The following ASPM variants were observed in gnomAD, a reference collection of about 807,000 sequenced individuals.
ASPM encodes the protein abnormal spindle-like microcephaly-associated protein.
ASPM carries 256 observed loss-of-function variants against 366.4 expected under a neutral mutation model. The ratio of observed to expected loss-of-function variants is 0.70; its 90% confidence interval spans 0.63 to 0.77. ASPM has a LOEUF of 0.77. ASPM is among the 30% of genes least tolerant of loss of function. ASPM has a pLI of 0.00. For synonymous variants in ASPM, 1,414 were observed against 1,342.9 expected (o/e 1.05, Z -1.16); for missense variants, 4,146 against 4,090.4 (o/e 1.01, Z -0.37).
chr1:197,093,364 T>C (rs1050275778), intron 20 of ASPM, 103 bp from the exon 21 acceptor site: 1 of 945,098 alleles, frequency 1.1e-6, no homozygotes, highest in East Asian at 2.4e-5. Flanking sequence ...TAATTATGAT[T>C]TATAGTCTAA....
chr1:197,130,159 C>T, intron 7 of ASPM, 103 bp from the exon 8 acceptor site: 2 of 1,211,466 alleles, frequency 1.7e-6, no homozygotes, highest in South Asian at 1.3e-5. Context: ...TGGCAATGTT[C>T]TACTTTCTAA....
chr1:197,097,901 C>T (rs774517180), intron 18 of ASPM, among the ~76,000 whole-genome samples: 5 of 150,336 alleles, frequency 3.3e-5, no homozygotes, highest in Non-Finnish European at 7.4e-5. Flanking sequence ...ACAAATTGAC[C>T]GAAAATCTGT....
Position 197,105,194 on chromosome 1 carries a change from G to T in ASPM, c.4066-9C>A, listed in dbSNP as rs1478880579. 6.3e-7 allele frequency: 1 copy of T among 1,590,698 alleles called. No homozygotes were observed. The highest frequency in any genetic ancestry group is 2.2e-5 in the East Asian group (1 of 44,562). On this transcript the variant is annotated splice_polypyrimidine_tract_variant and intron_variant, in intron 17 of 27. Transcript: ENST00000367409. ...TATCTTCTCCAATATCCCTGGAAAA[G>T]GTAAGAAAGGACACAAAGTAAAATA... is the stretch of plus-strand genomic sequence containing the variant.
chr1:197,112,309 G>C (rs1046586916), intron 17 of ASPM, among the ~76,000 whole-genome samples: 5 of 152,094 alleles, frequency 3.3e-5, no homozygotes, highest in Non-Finnish European at 4.4e-5. Flanking sequence ...GCTAAATGAT[G>C]AGAAAACATG....
intron 19 of ASPM, among the ~76,000 whole-genome samples, chr1:197,094,959 T>C (rs1340639858): frequency 6.6e-6 from 1 of 151,734 alleles, no homozygotes; most frequent in African/African-American, 2.4e-5. Context: ...AATTTTTATT[T>C]TTATGGATAT....
At chr1:197,094,217 TTTAAC>T in intron 19 of ASPM, 37 bp from the exon 20 acceptor site, 4 of 1,288,628 alleles carry the variant, frequency 3.1e-6, no homozygotes, top group Middle Eastern at 1.8e-4. Flanking sequence ...GTCAAATTAC[TTTAAC>T]TTATTCAATG....
At position 197,101,646 on chromosome 1, in the gene ASPM, C is replaced by T. The variant is rs10922162; in HGVS notation, c.7605G>A (p.Val2535=). 0.19 allele frequency: 307,490 copies of T among 1,611,328 alleles called. 39,807 individuals carry two copies. Among genetic ancestry groups the T allele is most frequent in the East Asian group, 0.69 (30,674 of 44,762 alleles). Reference sequence around the variant, plus strand: ...TTCCTTTATATGCAGCCTGAATAACCACAGCAGAATGCCATTGTCTGATAT... The same window carrying T: ...TTCCTTTATATGCAGCCTGAATAACTACAGCAGAATGCCATTGTCTGATAT... ...ENYIRQWHSA[V]VIQAAYKGMK... is the part of the protein sequence containing the mutation. Residue 2535 remains valine, a synonymous_variant, in exon 18 of 28, where the codon GTG becomes GTA. Coordinates refer to ENST00000367409, the MANE Select transcript of ASPM (RefSeq NM_018136.5).
rs1658631563 is a variant in ASPM at position 197,142,750 on chromosome 1, T to C, written c.1502A>G (p.Lys501Arg). Residue 501 changes from lysine (K) to arginine (R), a missense_variant, in exon 3 of 28, where the codon AAG becomes AGG. Lys to Arg is a conservative substitution (Grantham distance 26, BLOSUM62 2). This residue lies in a region of ASPM where 3,624 missense variants were observed against 3,591.7 expected (regional missense o/e 1.01). Coordinates refer to ENST00000367409, the MANE Select transcript of ASPM (RefSeq NM_018136.5). ...TTGGTTTTCTCTGGTACAGGTGGCC[T>C]TCCTTTTAGTAACAGTGGCAGAAAG... is the stretch of plus-strand genomic sequence containing the variant. ...PILSATVTKR[K>R]ATCTRENQTE... 12 of 1,613,986 alleles carry C rather than the reference T, an allele frequency of 7.4e-6. No individual in the cohort carries two copies. The highest frequency in any genetic ancestry group is 1.0e-5 in the Non-Finnish European group (12 of 1,179,844).
intron 7 of ASPM, among the ~76,000 whole-genome samples, chr1:197,131,944 A>C (rs1324017071): frequency 6.6e-6 from 1 of 152,182 alleles, no homozygotes; most frequent in East Asian, 1.9e-4. Flanking sequence ...TAAGAAATTT[A>C]AATTAGAAAA....
At chr1:197,120,985 A>G (rs1657890964) in intron 16 of ASPM, among the ~76,000 whole-genome samples, 1 of 152,136 alleles carries the variant, frequency 6.6e-6, no homozygotes, top group Non-Finnish European at 1.5e-5. Context: ...TTGTGTTTGA[A>G]AGTTGTCAAA....
In ASPM at chr1:197,090,346, T is replaced by G. The variant is rs755728788; in HGVS notation, c.9679A>C (p.Thr3227Pro). Residue 3227 changes from threonine (T) to proline (P), a missense_variant, in exon 24 of 28, where the codon ACA becomes CCA. Physicochemically the swap from Thr to Pro is conservative, Grantham distance 38 (BLOSUM62 -1). This residue lies in a region of ASPM where 3,624 missense variants were observed against 3,591.7 expected (regional missense o/e 1.01). Transcript: ENST00000367409. ...GYSWRKKNDC[T>P]KIKAIRLSLQ... ...CTTAGTCGTATAGCTTTAATTTTTG[T>G]ACAATCATTTTTCTTCCTCCAAGAA... 9.6e-5 allele frequency: 154 copies of G among 1,612,154 alleles called. No individual in the cohort carries two copies. Among genetic ancestry groups the G allele is most frequent in the Non-Finnish European group, 1.3e-4 (153 of 1,178,988 alleles).
At chr1:197,106,384 T>A (rs1657409665) in intron 17 of ASPM, among the ~76,000 whole-genome samples, 1 of 152,034 alleles carries the variant, frequency 6.6e-6, no homozygotes, top group Non-Finnish European at 1.5e-5. Context: ...AAACTCTACA[T>A]AAAGTATTAA....
chr1:197,129,413 CAA>C, intron 8 of ASPM, 96 bp from the exon 9 acceptor site: 1 of 1,374,812 alleles, frequency 7.3e-7, no homozygotes, highest in Non-Finnish European at 1.0e-6. Context: ...GTTAGTAAAA[CAA>C]AAAGTGTAGG....
intron 17 of ASPM, among the ~76,000 whole-genome samples, chr1:197,109,197 AAAT>A (rs1657506998): frequency 2.0e-5 from 1 of 50,616 alleles, no homozygotes; most frequent in Non-Finnish European, 8.7e-5. Context: ...ATTAAAGACA[AAAT>A]AATAACATGT....
Position 197,100,483 on chromosome 1 carries a change from A to T in ASPM, c.8768T>A (p.Phe2923Tyr). Residue 2923 changes from phenylalanine to tyrosine, a missense_variant, in exon 18 of 28, where the codon TTT (phenylalanine) becomes TAT (tyrosine). Phe to Tyr is a conservative substitution (Grantham distance 22, BLOSUM62 3). Coordinates refer to ENST00000367409, the MANE Select transcript of ASPM (RefSeq NM_018136.5). ...VIIIQARSKG[F>Y]IQKRKFQEIK... ...TTCCTGAAACTTCCGTTTCTGTATAAATCCTTTACTTCTAGCTTGAATAAT... is the reference window on the plus strand; with the variant it reads ...TTCCTGAAACTTCCGTTTCTGTATATATCCTTTACTTCTAGCTTGAATAAT... The T allele has an allele frequency of 6.2e-7, 1 of 1,600,994 alleles. No homozygotes were observed. Among genetic ancestry groups the T allele is most frequent in the Non-Finnish European group, 8.5e-7 (1 of 1,173,278 alleles).
intron 13 of ASPM, 35 bp from the exon 14 acceptor site, chr1:197,122,630 T>C: frequency 6.6e-7 from 1 of 1,522,544 alleles, no homozygotes; most frequent in South Asian, 1.2e-5. Context: ...ATTAACCGCA[T>C]TTAGAAAGTA....
intron 4 of ASPM, chr1:197,139,081 A>G: frequency 1.3e-6 from 1 of 751,566 alleles, no homozygotes; most frequent in East Asian, 2.5e-5. Flanking sequence ...TGTAAAGCCC[A>G]TTTTCTGCAG....
chr1:197,130,104 A>C (rs771446565), intron 7 of ASPM, 48 bp from the exon 8 acceptor site: 58 of 1,589,904 alleles, frequency 3.6e-5, no homozygotes, highest in Non-Finnish European at 5.0e-5. Flanking sequence ...TCTCTAAGAA[A>C]CAAAGGGAAG....
intron 17 of ASPM, among the ~76,000 whole-genome samples, chr1:197,108,396 T>A (rs1571605245): frequency 6.6e-6 from 1 of 151,828 alleles, no homozygotes; most frequent in Non-Finnish European, 1.5e-5. Context: ...TAATAAAGAC[T>A]GAGCAGAGAC....
Sources: allele counts gnomAD v4.1 joint callset (sites outside exome capture counted in the v4.1 genomes callset), GRCh38; gene constraint gnomAD v4.1.1; regional missense constraint gnomAD v4.1.1; transcripts MANE v1.5; gene names NCBI Gene and HGNC (gene_info 2026-07-23, HGNC 2026-07-21).